The following FSTL5 variants were observed in gnomAD, a reference collection of about 807,000 sequenced individuals.
The protein encoded by FSTL5 is follistatin-related protein 5.
A neutral mutation model predicts 89.1 loss-of-function variants in FSTL5; 62 were observed. The ratio of observed to expected loss-of-function variants is 0.70; its 90% CI spans 0.57 to 0.86. The LOEUF is 0.86. Among genes scored for constraint, FSTL5 ranks in the 40% least tolerant of loss-of-function variants. The probability of loss-of-function intolerance (pLI) is 0.00; values close to 1 mark genes in which losing one functional copy is unlikely to be tolerated. For missense variants in FSTL5, 1,057 were observed against 1,001.6 expected (o/e 1.06, Z -0.75); for synonymous variants, 383 against 346.2 (o/e 1.11, Z -1.18).
At chr4:161,781,693 A>G (rs1050220699) in intron 4 of FSTL5, among the ~76,000 whole-genome samples, 65 of 152,264 alleles carry the variant, frequency 4.3e-4, no homozygotes, top group African/African-American at 1.5e-3. Context: ...GACATCCCAC[A>G]TCATAGTTAC....
chr4:161,735,005 G>C (rs1208124089), intron 6 of FSTL5, among the ~76,000 whole-genome samples: 1 of 152,102 alleles, frequency 6.6e-6, no homozygotes, highest in East Asian at 1.9e-4. Context: ...AGAGCTCACA[G>C]GGTGAAGGCT....
At chr4:161,607,722 G>A (rs1024045730) in intron 7 of FSTL5, among the ~76,000 whole-genome samples, 9 of 152,106 alleles carry the variant, frequency 5.9e-5, no homozygotes, top group African/African-American at 7.2e-5. Context: ...TTTTTGTGCC[G>A]CTTCTAATCT....
chr4:161,804,474 A>G lies in FSTL5; in HGVS notation c.410-28400T>C, dbSNP rs577621578. On this transcript the variant is annotated intron_variant, in intron 4 of 15. Coordinates refer to ENST00000306100, the MANE Select transcript of FSTL5 (RefSeq NM_020116.5). ...GTTAAACACTGATGTTCCTTGAAAA[A>G]ATTGTGGGCAAATATGTTAAACAAT... Among the ~76,000 whole-genome samples the G allele has an allele frequency of 5.3e-5, 8 of 152,048 alleles. No individual in the cohort carries two copies. The South Asian group carries it at 1.7e-3, about 32-fold the overall frequency.
At chr4:161,851,642 G>A (rs996923131) in intron 4 of FSTL5, among the ~76,000 whole-genome samples, 1 of 151,838 alleles carries the variant, frequency 6.6e-6, no homozygotes, top group South Asian at 2.1e-4. Flanking sequence ...TTTAATTCTG[G>A]ATGTTGGTTT....
At chr4:162,156,317 T>C (rs922118239) in intron 1 of FSTL5, among the ~76,000 whole-genome samples, 1 of 152,180 alleles carries the variant, frequency 6.6e-6, no homozygotes, top group African/African-American at 2.4e-5. Flanking sequence ...CTTCAGCCAC[T>C]GAAGAAAGCA....
intron 7 of FSTL5, among the ~76,000 whole-genome samples, chr4:161,654,453 A>G (rs1444137513): frequency 6.6e-6 from 1 of 152,142 alleles, no homozygotes; most frequent in Non-Finnish European, 1.5e-5. Flanking sequence ...CTCTCAAAGT[A>G]TCTTAAATGC....
intron 4 of FSTL5, among the ~76,000 whole-genome samples, chr4:161,855,577 T>C (rs78902237): frequency 8.6e-4 from 13 of 15,174 alleles, no homozygotes; most frequent in African/African-American, 1.7e-3. Flanking sequence ...GTAGGTACCA[T>C]ATTTGGTCCT....
In FSTL5 at chr4:161,510,494, T is replaced by C. The variant is rs1196535448; in HGVS notation, c.1313-70A>G. 6 of 836,572 alleles carry C rather than the reference T, an allele frequency of 7.2e-6. No individual in the cohort carries two copies. In the South Asian group the frequency reaches 8.9e-5, roughly 12 times the overall value. 51.8% of individuals were successfully genotyped at this position (836,572 alleles called of 1,614,324 possible). A position where few individuals can be genotyped will look rare whatever the true frequency, so the allele number is the denominator to read the frequency against. On this transcript the variant is annotated intron_variant, in intron 10 of 15. Transcript: ENST00000306100. ...AGAGAGCTTTTGCTATATGGTAATA[T>C]AAATATTATTAAAGATGTCAAATAT... is the stretch of plus-strand genomic sequence containing the variant.
At chr4:162,056,252 A>T (rs1203304973) in intron 2 of FSTL5, among the ~76,000 whole-genome samples, 1 of 152,090 alleles carries the variant, frequency 6.6e-6, no homozygotes, top group Non-Finnish European at 1.5e-5. Context: ...AATGGGTTAC[A>T]TATATGAATG....
intron 6 of FSTL5, among the ~76,000 whole-genome samples, chr4:161,742,328 A>G (rs1045741587): frequency 1.3e-5 from 2 of 152,184 alleles, no homozygotes; most frequent in African/African-American, 4.8e-5. Context: ...CAGCGGGATC[A>G]TGTACAAAGC....
intron 7 of FSTL5, among the ~76,000 whole-genome samples, chr4:161,615,399 G>A (rs1208411811): frequency 1.4e-5 from 2 of 144,826 alleles, no homozygotes; most frequent in African/African-American, 5.1e-5. Context: ...CAGGGAGGCG[G>A]AGCTTGCAGC....
chr4:162,013,074 C>T (rs1020756412), intron 3 of FSTL5, among the ~76,000 whole-genome samples: 13 of 151,856 alleles, frequency 8.6e-5, no homozygotes, highest in African/African-American at 2.7e-4. Context: ...ATCCCAACTA[C>T]TTGGGAGGCT....
In FSTL5 at chr4:161,889,318, T is replaced by C. The variant is rs537884411; in HGVS notation, c.409+31086A>G. ...ATTGGCGAGAAGTGCAGGGTAATGG[T>C]AATCCATGTTTATCCTTGAACAGCT... On this transcript the variant is annotated intron_variant, in intron 4 of 15. Coordinates refer to ENST00000306100, the MANE Select transcript of FSTL5 (RefSeq NM_020116.5). 1.4e-4 allele frequency among the ~76,000 whole-genome samples: 22 copies of C among 152,226 alleles called. 2 individuals carry two copies. The South Asian group carries it at 4.4e-3, about 30-fold the overall frequency.
In FSTL5 at chr4:161,481,185, G is replaced by A; in HGVS notation, c.1459-16C>T. ...AGACTTCATCCTGTAATTTAGGAAA[G>A]AGAAAATGAAATTTATACCTTAAAT... is the stretch of plus-strand genomic sequence containing the variant. On this transcript the variant is annotated splice_polypyrimidine_tract_variant and intron_variant, in intron 12 of 15. Transcript: ENST00000306100. 6.3e-7 allele frequency: 1 copy of A among 1,584,344 alleles called. No homozygotes were observed. The highest frequency in any genetic ancestry group is 2.3e-5 in the East Asian group (1 of 44,270).
intron 13 of FSTL5, among the ~76,000 whole-genome samples, chr4:161,468,967 G>A (rs1368059270): frequency 1.3e-5 from 2 of 151,982 alleles, no homozygotes; most frequent in African/African-American, 4.8e-5. Flanking sequence ...CCATTTTTAA[G>A]TGTGCTGAAA....
At chr4:161,782,224 G>T (rs982887262) in intron 4 of FSTL5, among the ~76,000 whole-genome samples, 10 of 152,114 alleles carry the variant, frequency 6.6e-5, no homozygotes, top group Non-Finnish European at 8.8e-5. Flanking sequence ...TTCTGTGTAT[G>T]GATTTAAGTT....
chr4:161,515,782 G>A (rs1236447829), intron 10 of FSTL5, among the ~76,000 whole-genome samples: 1 of 151,286 alleles, frequency 6.6e-6, no homozygotes, highest in Non-Finnish European at 1.5e-5. Context: ...AATATCATTG[G>A]CCTTTATCAG....
At chr4:161,738,790 A>C (rs1032271755) in intron 6 of FSTL5, among the ~76,000 whole-genome samples, 1 of 152,184 alleles carries the variant, frequency 6.6e-6, no homozygotes, top group African/African-American at 2.4e-5. Flanking sequence ...ACCTTTGCTT[A>C]TTCACATATT....
chr4:161,820,002 A>G (rs1357724799), intron 4 of FSTL5, among the ~76,000 whole-genome samples: 1 of 151,972 alleles, frequency 6.6e-6, no homozygotes, highest in Non-Finnish European at 1.5e-5. Context: ...GACTCTTTTT[A>G]GTTTCTTTAA....
Sources: gnomAD v4.1 joint callset for allele counts (sites outside exome capture counted in the v4.1 genomes callset) on GRCh38, gnomAD v4.1.1 for gene constraint, MANE v1.5 for transcripts, NCBI Gene and HGNC (gene_info 2026-07-23, HGNC 2026-07-21) for gene names.